EYA1: variants seen among roughly 807,000 people sequenced by gnomAD.
The protein encoded by EYA1 is protein phosphatase EYA1.
In EYA1, 16 loss-of-function variants were observed where a neutral mutation model predicts 82.0. That is an observed-to-expected ratio of 0.20 (90% CI 0.13 to 0.30). The LOEUF (loss-of-function observed/expected upper bound fraction) is 0.30, where lower values mean the gene tolerates loss of function less well. Ranked by LOEUF, EYA1 falls within the 10% of genes least tolerant of loss-of-function variation. The probability of loss-of-function intolerance (pLI) is 1.00; values close to 1 mark genes in which losing one functional copy is unlikely to be tolerated. For missense variants in EYA1, 633 were observed against 730.7 expected, an observed-to-expected ratio of 0.87 and a Z score of 1.54; for synonymous variants, 261 against 264.4, an observed-to-expected ratio of 0.99 and a Z score of 0.12.
chr8:71,483,890 G>T (rs577863231), intron 2 of EYA1, among the ~76,000 whole-genome samples: 16 of 152,114 alleles, frequency 1.1e-4, no homozygotes, highest in Non-Finnish European at 4.4e-5. Flanking sequence ...GGAAACAAAG[G>T]GTCAATCAGA....
chr8:71,474,193 A>G (rs1326723258), intron 2 of EYA1, among the ~76,000 whole-genome samples: 1 of 137,848 alleles, frequency 7.3e-6, no homozygotes, highest in African/African-American at 3.2e-5. Flanking sequence ...AACTTAAAGT[A>G]AAATTAAAAA....
At chr8:71,311,927 T>C (rs1821383517) in intron 7 of EYA1, among the ~76,000 whole-genome samples, 1 of 152,198 alleles carries the variant, frequency 6.6e-6, no homozygotes, top group African/African-American at 2.4e-5. Flanking sequence ...AGAAGCCTGC[T>C]TGGCAGGACA....
chr8:71,481,000 G>GT (rs1171342381), intron 2 of EYA1, among the ~76,000 whole-genome samples: 25 of 151,916 alleles, frequency 1.6e-4, no homozygotes, highest in Admixed American at 1.6e-3. Flanking sequence ...AAAAATTCCA[G>GT]TAGCTCTAAT....
At chr8:71,297,053 T>C (rs1819674191) in intron 9 of EYA1, among the ~76,000 whole-genome samples, 2 of 152,156 alleles carry the variant, frequency 1.3e-5, no homozygotes, top group African/African-American at 4.8e-5. Context: ...AAGAGGTATG[T>C]ATAAGAAATC....
rs371744577 is a variant in EYA1 at position 71,319,323 on chromosome 8, C to G, written c.419-1634G>C. ...TTTTTTGTATTTTTAGTAGAGACGG[C>G]GTTTCACCGTGTTAGCCAGGATGGT... On this transcript the variant is annotated intron_variant, in intron 6 of 17. Transcript: ENST00000340726. Among the ~76,000 whole-genome samples, 422 of 151,786 alleles carry G rather than the reference C, an allele frequency of 2.8e-3. 1 individual carries two copies. The highest frequency in any genetic ancestry group is 9.8e-3 in the African/African-American group (406 of 41,380).
At chr8:71,501,424 C>T (rs1006404076) in intron 2 of EYA1, among the ~76,000 whole-genome samples, 1 of 152,164 alleles carries the variant, frequency 6.6e-6, no homozygotes, top group African/African-American at 2.4e-5. Flanking sequence ...TATATATGTA[C>T]ATATTGTACT....
intron 5 of EYA1, 76 bp downstream of exon 5, chr8:71,322,123 G>T (rs923430041): frequency 9.4e-6 from 12 of 1,272,318 alleles, no homozygotes; most frequent in Middle Eastern, 1.8e-4. Context: ...GGAACATGTG[G>T]GCACAGACAT....
At chr8:71,458,787 T>C (rs1808150531) in intron 2 of EYA1, among the ~76,000 whole-genome samples, 1 of 152,000 alleles carries the variant, frequency 6.6e-6, no homozygotes. Flanking sequence ...ACACGTTGAG[T>C]TTGAAGTGCT....
At chr8:71,489,678 T>C (rs1810846044) in intron 2 of EYA1, among the ~76,000 whole-genome samples, 1 of 152,240 alleles carries the variant, frequency 6.6e-6, no homozygotes, top group Non-Finnish European at 1.5e-5. Context: ...GAACATGTGG[T>C]ACAGAACATG....
At chr8:71,539,475 G>T (rs1170478586) in intron 1 of EYA1, among the ~76,000 whole-genome samples, 1 of 152,134 alleles carries the variant, frequency 6.6e-6, no homozygotes, top group Admixed American at 6.5e-5. Flanking sequence ...ATCTGTTGCT[G>T]AGCAGAATGG....
rs1806492583 is a variant in EYA1, at chr8:71,198,251, A to G, written c.*1089T>C. On this transcript the variant is annotated 3_prime_UTR_variant, in exon 18 of 18. Transcript: ENST00000340726. ...ATAATTATTTTTTCCAAGTAGTTAC[A>G]TATAATACATTAGTGTGGAAATGAA... 6.6e-6 allele frequency: 1 copy of G among 152,640 alleles called. No individual in the cohort carries two copies. Among genetic ancestry groups the G allele is most frequent in the Admixed American group, 6.5e-5 (1 of 15,286 alleles). The allele number at this position is 152,640 out of a possible 1,614,324, so 9.5% of individuals were successfully genotyped here. A position where few individuals can be genotyped will look rare whatever the true frequency, so the allele number is the denominator to read the frequency against.
Position 71,235,266 on chromosome 8 carries a change from G to C in EYA1, c.1140+9337C>G, listed in dbSNP as rs561394285. Among the ~76,000 whole-genome samples the C allele has an allele frequency of 3.4e-5, 5 of 145,560 alleles. 1 individual carries two copies. The highest frequency in any genetic ancestry group is 1.3e-4 in the African/African-American group (5 of 39,604). On this transcript the variant is annotated intron_variant, in intron 12 of 17. Coordinates refer to ENST00000340726, the MANE Select transcript of EYA1 (RefSeq NM_000503.6). ...ATGCTTAAAACTCTCCAATGGCTTC[G>C]CACTGCAATTAGAAAAAAAATATTC...
chr8:71,318,416 G>A (rs544791068), intron 6 of EYA1, among the ~76,000 whole-genome samples: 1 of 152,202 alleles, frequency 6.6e-6, no homozygotes, highest in Non-Finnish European at 1.5e-5. Context: ...AATTGTTTTC[G>A]ATGTAGTCTA....
At chr8:71,257,378 A>T (rs1448569174) in intron 11 of EYA1, among the ~76,000 whole-genome samples, 2 of 152,246 alleles carry the variant, frequency 1.3e-5, no homozygotes, top group East Asian at 3.8e-4. Flanking sequence ...AGTTAAAAAA[A>T]ATATAAAAAT....
chr8:71,223,319 A>G (rs1158343694), intron 12 of EYA1, among the ~76,000 whole-genome samples: 1 of 152,194 alleles, frequency 6.6e-6, no homozygotes, highest in Non-Finnish European at 1.5e-5. Context: ...CTGCTTTTCC[A>G]CAACAGGATC....
At chr8:71,250,806 T>C (rs1813661473) in intron 11 of EYA1, among the ~76,000 whole-genome samples, 1 of 152,162 alleles carries the variant, frequency 6.6e-6, no homozygotes, top group Admixed American at 6.6e-5. Flanking sequence ...CATAAAGGCT[T>C]TCCCAAACTT....
intron 9 of EYA1, among the ~76,000 whole-genome samples, chr8:71,288,159 C>T (rs1257967017): frequency 1.3e-5 from 2 of 152,134 alleles, no homozygotes; most frequent in Non-Finnish European, 2.9e-5. Flanking sequence ...GTACCCAACC[C>T]CAGCCAGGTA....
chr8:71,349,178 A>C (rs890915478), intron 3 of EYA1, among the ~76,000 whole-genome samples: 7 of 152,134 alleles, frequency 4.6e-5, no homozygotes, highest in African/African-American at 1.7e-4. Flanking sequence ...CACAGGAAGG[A>C]CTCTCACACA....
Position 71,322,036 on chromosome 8 carries a change from C to T in EYA1, c.273-157G>A, listed in dbSNP as rs1441562893. Reference sequence around the variant, plus strand: ...AAGCACTGAAATACTTCAGTGTCTCCACTACATGATGCTCAAAATAAATTT... The same window carrying T: ...AAGCACTGAAATACTTCAGTGTCTCTACTACATGATGCTCAAAATAAATTT... On this transcript the variant is annotated intron_variant, in intron 5 of 17. Transcript: ENST00000340726. The T allele has an allele frequency of 2.3e-5, 25 of 1,104,998 alleles. No individual in the cohort carries two copies. The East Asian group carries it at 5.5e-4, about 24-fold the overall frequency. 68.4% of individuals were successfully genotyped at this position (1,104,998 alleles called of 1,614,324 possible). A position where few individuals can be genotyped will look rare whatever the true frequency, so the allele number is the denominator to read the frequency against.
Sources: gnomAD v4.1 joint callset for allele counts (sites outside exome capture counted in the v4.1 genomes callset) on GRCh38, gnomAD v4.1.1 for gene constraint, MANE v1.5 for transcripts, NCBI Gene and HGNC (gene_info 2026-07-23, HGNC 2026-07-21) for gene names.